Variants in ADORA2B observed in about 807,000 individuals in gnomAD.
ADORA2B encodes adenosine A2b receptor, also known as adenosine receptor A2b.
Under a neutral mutation model 20.8 loss-of-function variants are expected in ADORA2B, and 18 were observed. That is an observed-to-expected ratio of 0.87 (90% CI 0.60 to 1.29). The LOEUF (loss-of-function observed/expected upper bound fraction) is 1.29, where lower values mean the gene tolerates loss of function less well. Ranked by LOEUF, ADORA2B falls within the 50% of genes most tolerant of loss-of-function variation. The probability of loss-of-function intolerance (pLI) is 0.00; values close to 1 mark genes in which losing one functional copy is unlikely to be tolerated. For missense variants in ADORA2B, 441 were observed against 422.7 expected (o/e 1.04, Z -0.38); for synonymous variants, 179 against 178.3 (o/e 1.00, Z -0.03).
chr17:15,856,238 G>A, the ADORA2B span, among the ~76,000 whole-genome samples: 1 of 151,274 alleles, frequency 6.6e-6, no homozygotes, highest in African/African-American at 2.4e-5. Context: ...TCCTCCACAT[G>A]CACTCTGTCT....
chr17:15,864,576 T>C, the ADORA2B span, among the ~76,000 whole-genome samples: 5 of 152,076 alleles, frequency 3.3e-5, no homozygotes, highest in South Asian at 1.0e-3. Flanking sequence ...TATTAGGCAA[T>C]GTGCGGAAAT....
chr17:15,970,335 C>G (rs1161876594), intron 1 of ADORA2B, among the ~76,000 whole-genome samples: 3 of 152,172 alleles, frequency 2.0e-5, no homozygotes, highest in African/African-American at 7.2e-5. Flanking sequence ...TTTCCTTATC[C>G]AAGAGAAGGC....
At chr17:15,957,527 CTCCAGGAT>C (rs1969982852) in intron 1 of ADORA2B, among the ~76,000 whole-genome samples, 1 of 152,174 alleles carries the variant, frequency 6.6e-6, no homozygotes, top group Non-Finnish European at 1.5e-5. Context: ...GAGAAGAAGA[CTCCAGGAT>C]GACTCCCAGA....
chr17:15,866,682 T>G, the ADORA2B span, among the ~76,000 whole-genome samples: 1 of 126,622 alleles, frequency 7.9e-6, no homozygotes. Context: ...TTCTTTTGGC[T>G]CTCCCTCTGC....
At chr17:15,880,789 C>A in the ADORA2B span, among the ~76,000 whole-genome samples, 29 of 152,168 alleles carry the variant, frequency 1.9e-4, no homozygotes, top group Non-Finnish European at 8.8e-5. Flanking sequence ...AGCCTAGCAG[C>A]GCCAGGGTTC....
intron 1 of ADORA2B, among the ~76,000 whole-genome samples, chr17:15,954,625 G>T (rs1204337504): frequency 6.6e-6 from 1 of 152,120 alleles, no homozygotes; most frequent in African/African-American, 2.4e-5. Flanking sequence ...TTTTTGGCCT[G>T]GTGCAATGGC....
chr17:15,857,101 A>G, the ADORA2B span, among the ~76,000 whole-genome samples: 1,943 of 152,336 alleles, frequency 0.013, 35 homozygotes, highest in African/African-American at 0.045. Context: ...CCTGTGTCCC[A>G]GCTGCTCTAG....
At chr17:15,923,054 GCT>G in the ADORA2B span, among the ~76,000 whole-genome samples, 1 of 151,268 alleles carries the variant, frequency 6.6e-6, no homozygotes, top group Non-Finnish European at 1.5e-5. Flanking sequence ...ATGGGGTCTG[GCT>G]CTGTCACCCA....
rs567714270 is a variant in ADORA2B at position 15,945,228 on chromosome 17, C to T, written c.-21C>T. Reference sequence around the variant, plus strand: ...CGGCGCGCCTTCGGTAGGGGGCGCCCGGGGCCCAGCTGGCCCGGCCATGCT... The same window carrying T: ...CGGCGCGCCTTCGGTAGGGGGCGCCTGGGGCCCAGCTGGCCCGGCCATGCT... On this transcript the variant is annotated 5_prime_UTR_variant, in exon 1 of 2. Transcript: ENST00000304222. 82 of 1,388,562 alleles carry T rather than the reference C, an allele frequency of 5.9e-5. 4 individuals are homozygous for T. The South Asian group carries it at 1.3e-3, about 21-fold the overall frequency. The allele number at this position is 1,388,562 out of a possible 1,614,324, so 86.0% of individuals were successfully genotyped here.
At chr17:15,965,182 G>A (rs546245454) in intron 1 of ADORA2B, among the ~76,000 whole-genome samples, 20 of 152,368 alleles carry the variant, frequency 1.3e-4, no homozygotes, top group African/African-American at 4.6e-4. Context: ...TGGTTTATAA[G>A]CTGAAGCTGA....
chr17:15,940,476 G>A (rs568824823), upstream of ADORA2B, among the ~76,000 whole-genome samples: 1 of 152,230 alleles, frequency 6.6e-6, no homozygotes, highest in Non-Finnish European at 1.5e-5. Flanking sequence ...GAGGGATTTT[G>A]TGGGGAGCTG....
chr17:15,853,442 G>A, the ADORA2B span, among the ~76,000 whole-genome samples: 14,502 of 152,214 alleles, frequency 0.095, 846 homozygotes, highest in South Asian at 0.24. Flanking sequence ...ATAAAGAAAA[G>A]GTATAAATTA....
At chr17:15,904,936 C>T in the ADORA2B span, among the ~76,000 whole-genome samples, 1 of 152,196 alleles carries the variant, frequency 6.6e-6, no homozygotes, top group Non-Finnish European at 1.5e-5. Flanking sequence ...ACCAATACTA[C>T]ACTGTCTTGA....
the ADORA2B span, among the ~76,000 whole-genome samples, chr17:15,892,952 G>A: frequency 6.6e-6 from 1 of 152,142 alleles, no homozygotes; most frequent in Non-Finnish European, 1.5e-5. Flanking sequence ...GGGCTGTGCG[G>A]TTTTGCTTTA....
At chr17:15,873,457 C>T in the ADORA2B span, among the ~76,000 whole-genome samples, 5 of 152,048 alleles carry the variant, frequency 3.3e-5, no homozygotes, top group Non-Finnish European at 5.9e-5. Context: ...AAACAGACAA[C>T]CCACAGAATG....
At chr17:15,858,528 A>G in the ADORA2B span, among the ~76,000 whole-genome samples, 1 of 152,106 alleles carries the variant, frequency 6.6e-6, no homozygotes, top group Non-Finnish European at 1.5e-5. Context: ...TCTCTTCACT[A>G]TTTGCCCTTT....
At chr17:15,939,193 A>G in the ADORA2B span, among the ~76,000 whole-genome samples, 7 of 152,058 alleles carry the variant, frequency 4.6e-5, no homozygotes, top group Non-Finnish European at 7.4e-5. Flanking sequence ...GGTGCCCGCC[A>G]CCACGCCCAG....
At chr17:15,877,895 T>G in the ADORA2B span, among the ~76,000 whole-genome samples, 1 of 152,070 alleles carries the variant, frequency 6.6e-6, no homozygotes, top group Non-Finnish European at 1.5e-5. Context: ...GGGATTTAGT[T>G]TGCTTAGGTC....
the ADORA2B span, among the ~76,000 whole-genome samples, chr17:15,893,085 C>G: frequency 2.6e-5 from 4 of 152,194 alleles, no homozygotes; most frequent in Non-Finnish European, 5.9e-5. Flanking sequence ...TTTTACCTTC[C>G]CATGTGCAAT....
Sources: gnomAD v4.1 joint callset for allele counts (sites outside exome capture counted in the v4.1 genomes callset) on GRCh38, gnomAD v4.1.1 for gene constraint, MANE v1.5 for transcripts, NCBI Gene and HGNC (gene_info 2026-07-23, HGNC 2026-07-21) for gene names.